KDM5A: variants seen among roughly 807,000 people sequenced by gnomAD.
KDM5A encodes the protein lysine demethylase 5A.
A neutral mutation model predicts 193.5 loss-of-function variants in KDM5A; 42 were observed. The ratio of observed to expected loss-of-function variants is 0.22; its 90% CI spans 0.17 to 0.28. The LOEUF is 0.28. Among genes scored for constraint, KDM5A ranks in the 10% least tolerant of loss-of-function variants. The pLI, the probability that KDM5A is intolerant of heterozygous loss-of-function variation, is 1.00. For synonymous variants in KDM5A, 796 were observed against 718.1 expected, an observed-to-expected ratio of 1.11 and a Z score of -1.73; for missense variants, 1,692 against 2,055.1, an observed-to-expected ratio of 0.82 and a Z score of 3.42.
chr12:366,091 T>C lies in KDM5A; in HGVS notation c.380A>G (p.Lys127Arg). ...TTTGGTGACCATTTCAAAACCTCCT[T>C]TGCTGGCAACAATCTGAAAAGAAAG... ...LYALSKIVAS[K>R]GGFEMVTKEK... Residue 127 changes from lysine (K) to arginine (R), a missense_variant, in exon 4 of 28, where the codon AAA (lysine) becomes AGA (arginine). By Grantham distance (26) the Lys-to-Arg change is conservative. Transcript: ENST00000399788. 1 of 1,613,998 alleles carries C rather than the reference T, an allele frequency of 6.2e-7. No individual in the cohort carries two copies. Among genetic ancestry groups the C allele is most frequent in the East Asian group, 2.2e-5 (1 of 44,864 alleles).
At chr12:374,011 A>G (rs1591938567) in intron 3 of KDM5A, among the ~76,000 whole-genome samples, 1 of 152,142 alleles carries the variant, frequency 6.6e-6, no homozygotes, top group African/African-American at 2.4e-5. Flanking sequence ...TATGTGGTCA[A>G]ATTTTGGAAT....
intron 19 of KDM5A, among the ~76,000 whole-genome samples, chr12:317,332 C>T (rs1257980857): frequency 2.0e-5 from 3 of 152,170 alleles, no homozygotes; most frequent in Non-Finnish European, 2.9e-5. Context: ...CAAGGCTCTA[C>T]CTAAGTTCTT....
intron 3 of KDM5A, among the ~76,000 whole-genome samples, chr12:373,007 A>G (rs1052430264): frequency 1.1e-4 from 16 of 152,236 alleles, no homozygotes; most frequent in Non-Finnish European, 2.1e-4. Flanking sequence ...TATTTTATTG[A>G]AGATTTTCGC....
chr12:348,582 G>GA (rs1248602553), intron 10 of KDM5A, among the ~76,000 whole-genome samples: 1 of 152,120 alleles, frequency 6.6e-6, no homozygotes, highest in Non-Finnish European at 1.5e-5. Context: ...TGTGCAGCCA[G>GA]AAAAAACGAT....
At chr12:313,996 G>C (rs1017070310) in intron 19 of KDM5A, among the ~76,000 whole-genome samples, 1 of 152,090 alleles carries the variant, frequency 6.6e-6, no homozygotes, top group African/African-American at 2.4e-5. Flanking sequence ...GCAGGGGCTG[G>C]GTGGAAAAAG....
At chr12:348,416 T>C (rs188140233) in intron 10 of KDM5A, among the ~76,000 whole-genome samples, 3 of 152,314 alleles carry the variant, frequency 2.0e-5, no homozygotes, top group Admixed American at 2.0e-4. Context: ...ACTGGGTATA[T>C]ACCCAAAGGA....
At chr12:300,540 A>C (rs920133670) in intron 24 of KDM5A, among the ~76,000 whole-genome samples, 7 of 152,240 alleles carry the variant, frequency 4.6e-5, no homozygotes, top group Non-Finnish European at 7.3e-5. Flanking sequence ...AGCAGTGTGT[A>C]GAGGGAAATT....
At chr12:377,040 A>AT (rs1175454025) in intron 3 of KDM5A, among the ~76,000 whole-genome samples, 3 of 151,734 alleles carry the variant, frequency 2.0e-5, no homozygotes, top group Non-Finnish European at 4.4e-5. Flanking sequence ...CAAGGAAAAA[A>AT]AAAAAGTCTT....
intron 4 of KDM5A, among the ~76,000 whole-genome samples, chr12:365,126 T>C (rs1347826696): frequency 6.6e-6 from 1 of 152,100 alleles, no homozygotes; most frequent in African/African-American, 2.4e-5. Flanking sequence ...GATCTCAGCT[T>C]ACTGCAACCT....
At chr12:363,239 C>G in intron 4 of KDM5A, 142 bp from the exon 5 acceptor site, 1 of 904,310 alleles carries the variant, frequency 1.1e-6, no homozygotes, top group South Asian at 1.6e-5. Flanking sequence ...GCTATCCCTA[C>G]CAAAATCCTG....
chr12:373,898 G>A (rs924211463), intron 3 of KDM5A, among the ~76,000 whole-genome samples: 4 of 152,214 alleles, frequency 2.6e-5, no homozygotes, highest in Non-Finnish European at 4.4e-5. Context: ...TTTTGAGTGA[G>A]TTTGTTAATC....
intron 24 of KDM5A, among the ~76,000 whole-genome samples, chr12:304,767 G>C (rs1565527565): frequency 6.6e-6 from 1 of 152,066 alleles, no homozygotes; most frequent in African/African-American, 2.4e-5. Flanking sequence ...ATCAATACTT[G>C]TGATGTTTTC....
chr12:366,965 C>T (rs778384157), intron 3 of KDM5A, among the ~76,000 whole-genome samples: 10 of 152,184 alleles, frequency 6.6e-5, no homozygotes, highest in Non-Finnish European at 1.2e-4. Context: ...TGTTACACTG[C>T]CTACAGTATT....
chr12:373,979 T>G (rs1944467488), intron 3 of KDM5A, among the ~76,000 whole-genome samples: 1 of 152,214 alleles, frequency 6.6e-6, no homozygotes, highest in Non-Finnish European at 1.5e-5. Context: ...TTTCATTTGC[T>G]GAGGAGGGCT....
intron 16 of KDM5A, among the ~76,000 whole-genome samples, chr12:322,806 C>G (rs990603040): frequency 6.6e-6 from 1 of 152,152 alleles, no homozygotes; most frequent in Admixed American, 6.5e-5. Flanking sequence ...CCAAAGAAGC[C>G]TTCAGTGTCA....
rs1944021407 is a variant in KDM5A, at chr12:342,707, C to G, written c.1308+7914G>C. The stretch of plus-strand genomic sequence containing the variant: ...TAACTACTGACCTCAAGTGATTCAC[C>G]TGCCTCGGCCTCCCAAAGGGCTCGA... On this transcript the variant is annotated intron_variant, in intron 10 of 27. Transcript: ENST00000399788. 3.3e-5 allele frequency among the ~76,000 whole-genome samples: 5 copies of G among 151,646 alleles called. No individual in the cohort carries two copies. In the South Asian group the frequency reaches 1.0e-3, roughly 32 times the overall value.
At chr12:367,217 C>A (rs907145716) in intron 3 of KDM5A, among the ~76,000 whole-genome samples, 1 of 152,088 alleles carries the variant, frequency 6.6e-6, no homozygotes, top group African/African-American at 2.4e-5. Context: ...TCAGTTTCTC[C>A]TATTTGATTG....
rs763672875 is a variant in KDM5A at position 308,049 on chromosome 12, AC to A, written c.3379-45del. ...TAATTGAAAAGAGTCACTGCAATAT[AC>A]CCCCCAAAATACCAAATCCTCAAGG... is the stretch of plus-strand genomic sequence containing the variant. On this transcript the variant is annotated intron_variant, in intron 22 of 27. Transcript: ENST00000399788. 1.1e-5 allele frequency: 18 copies of A among 1,566,788 alleles called. No individual in the cohort carries two copies. The East Asian group carries it at 2.7e-4, about 23-fold the overall frequency.
intron 9 of KDM5A, among the ~76,000 whole-genome samples, chr12:351,309 G>A (rs1262026292): frequency 6.6e-6 from 1 of 152,038 alleles, no homozygotes; most frequent in Non-Finnish European, 1.5e-5. Flanking sequence ...AACGTGGGGT[G>A]TTTAGTTTTC....
Sources: gnomAD v4.1 joint callset for allele counts (sites outside exome capture counted in the v4.1 genomes callset) on GRCh38, gnomAD v4.1.1 for gene constraint, MANE v1.5 for transcripts, NCBI Gene and HGNC (gene_info 2026-07-23, HGNC 2026-07-21) for gene names.